The following SNX29 variants were observed in gnomAD, a reference collection of about 807,000 sequenced individuals.
The protein encoded by SNX29 is sorting nexin 29, also known as sorting nexin-29.
A neutral mutation model predicts 102.1 loss-of-function variants in SNX29; 78 were observed. The ratio of observed to expected loss-of-function variants is 0.76; its 90% CI spans 0.64 to 0.92. The LOEUF (loss-of-function observed/expected upper bound fraction) is 0.92. Ranked by LOEUF, SNX29 falls within the 40% of genes least tolerant of loss-of-function variation. SNX29 has a pLI of 0.00. For synonymous variants in SNX29, 580 were observed against 414.5 expected, an observed-to-expected ratio of 1.40 and a Z score of -4.85; for missense variants, 1,280 against 1,061.7, an observed-to-expected ratio of 1.21 and a Z score of -2.86.
chr16:12,551,629 A>G (rs757244895), intron 20 of SNX29, among the ~76,000 whole-genome samples: 14 of 152,118 alleles, frequency 9.2e-5, no homozygotes, highest in Non-Finnish European at 1.5e-4. Context: ...TGAGGCATCA[A>G]CCCAGCAAGT....
chr16:12,233,315 T>C (rs1343378385), intron 14 of SNX29, among the ~76,000 whole-genome samples: 3 of 152,208 alleles, frequency 2.0e-5, no homozygotes, highest in Non-Finnish European at 4.4e-5. Flanking sequence ...GAGGCTGTTA[T>C]CCTAAGCAAA....
intron 15 of SNX29, among the ~76,000 whole-genome samples, chr16:12,351,894 G>A (rs1020813722): frequency 5.3e-5 from 8 of 152,158 alleles, no homozygotes; most frequent in African/African-American, 1.2e-4. Context: ...AACAGTGATT[G>A]ATTAGTGCTG....
chr16:12,408,935 G>A (rs184000624), intron 18 of SNX29, among the ~76,000 whole-genome samples: 1 of 152,378 alleles, frequency 6.6e-6, no homozygotes, highest in African/African-American at 2.4e-5. Flanking sequence ...ATTTGGCACA[G>A]AGGATTCTAG....
intron 4 of SNX29, among the ~76,000 whole-genome samples, chr16:12,033,962 A>C (rs908563629): frequency 2.0e-5 from 3 of 152,096 alleles, no homozygotes; most frequent in Admixed American, 6.6e-5. Context: ...ACTGCATTCA[A>C]AATAACCACT....
rs1169601409 is a variant in SNX29 at position 12,570,305 on chromosome 16, G to A, written c.*1676G>A. On this transcript the variant is annotated 3_prime_UTR_variant, in exon 21 of 21. Transcript: ENST00000566228. ...GTCAGTTTGCGAGTGTGGAGGACCCGAGACATCCTGTAAAGGCAACTTGGT... is the reference window on the plus strand; with the variant it reads ...GTCAGTTTGCGAGTGTGGAGGACCCAAGACATCCTGTAAAGGCAACTTGGT... 9.7e-6 allele frequency: 10 copies of A among 1,032,984 alleles called. No homozygotes were observed. Among genetic ancestry groups the A allele is most frequent in the Admixed American group, 1.1e-4 (2 of 18,668 alleles). 64.0% of individuals were successfully genotyped at this position (1,032,984 alleles called of 1,614,324 possible).
intron 18 of SNX29, among the ~76,000 whole-genome samples, chr16:12,440,670 T>TTGTAAGTGAGTTC (rs2085758419): frequency 6.6e-6 from 1 of 151,552 alleles, no homozygotes; most frequent in Admixed American, 6.6e-5. Context: ...TAGCTCCCAC[T>TTGTAAGTGAGTTC]TCTAAGTGAG....
chr16:11,990,312 T>C (rs2055799881), intron 1 of SNX29, among the ~76,000 whole-genome samples: 2 of 152,154 alleles, frequency 1.3e-5, no homozygotes. Context: ...CAATTGCTGG[T>C]ATTGCTGTGA....
intron 20 of SNX29, among the ~76,000 whole-genome samples, chr16:12,547,751 G>T (rs185298068): frequency 2.6e-5 from 4 of 152,158 alleles, no homozygotes; most frequent in African/African-American, 7.2e-5. Context: ...GCCTCCTCCT[G>T]TGAAGCTGCA....
chr16:12,569,983 C>G lies in SNX29; in HGVS notation c.*1354C>G. ...GGTAAGCCATGGGCTTGTCCTGGAA[C>G]TGCTTCAACTCAGTGGCTTAAAATG... is the stretch of plus-strand genomic sequence containing the variant. On this transcript the variant is annotated 3_prime_UTR_variant, in exon 21 of 21. Transcript: ENST00000566228. 1 of 247,162 alleles carries G rather than the reference C, an allele frequency of 4.0e-6. No homozygotes were observed. The highest frequency in any genetic ancestry group is 7.6e-6 in the Non-Finnish European group (1 of 130,980). The allele number at this position is 247,162 out of a possible 1,614,324, so 15.3% of individuals were successfully genotyped here.
chr16:11,979,275 CAAAAAAAAAAAAAA>C (rs71139569), intron 1 of SNX29, among the ~76,000 whole-genome samples: 3 of 62,004 alleles, frequency 4.8e-5, no homozygotes, highest in Non-Finnish European at 8.2e-5. Flanking sequence ...ACTCAGTCTC[CAAAAAAAAAAAAAA>C]AAAAAAAAAA....
chr16:12,336,244 C>T (rs1160178602), intron 15 of SNX29, among the ~76,000 whole-genome samples: 1 of 152,184 alleles, frequency 6.6e-6, no homozygotes, highest in East Asian at 1.9e-4. Context: ...TGGTTTGGCG[C>T]TCACTGTAAC....
intron 16 of SNX29, among the ~76,000 whole-genome samples, chr16:12,365,765 G>C (rs1048189079): frequency 6.6e-5 from 10 of 151,062 alleles, no homozygotes; most frequent in African/African-American, 2.2e-4. Flanking sequence ...ACAGTGGGCC[G>C]GGCGCGGTGG....
At chr16:12,296,982 C>G (rs1207745807) in intron 15 of SNX29, among the ~76,000 whole-genome samples, 1 of 152,228 alleles carries the variant, frequency 6.6e-6, no homozygotes, top group Non-Finnish European at 1.5e-5. Context: ...CCGCTAGATG[C>G]TGGTGGCACC....
At chr16:12,422,569 GC>G (rs1567547430) in intron 18 of SNX29, among the ~76,000 whole-genome samples, 1 of 152,164 alleles carries the variant, frequency 6.6e-6, no homozygotes, top group African/African-American at 2.4e-5. Flanking sequence ...TCTTCCCTGG[GC>G]TCCTTGTCCC....
intron 19 of SNX29, among the ~76,000 whole-genome samples, chr16:12,507,682 T>G (rs1323277206): frequency 6.6e-6 from 1 of 152,220 alleles, no homozygotes; most frequent in East Asian, 1.9e-4. Flanking sequence ...TTTTCGGCCC[T>G]GATTTTTTAC....
At chr16:12,463,284 C>G (rs1454987440) in intron 18 of SNX29, among the ~76,000 whole-genome samples, 13 of 152,340 alleles carry the variant, frequency 8.5e-5, no homozygotes, top group Non-Finnish European at 1.8e-4. Flanking sequence ...TTTTCATTGC[C>G]TAATCACCTC....
rs1389975888 is a variant in SNX29, at chr16:12,568,809, T to C, written c.*180T>C. On this transcript the variant is annotated 3_prime_UTR_variant, in exon 21 of 21. Coordinates refer to ENST00000566228, the MANE Select transcript of SNX29 (RefSeq NM_032167.5). ...ACTAATCAGTCTTCGAGCCGCATGA[T>C]ACCGTGACCCGAGAGACCAAGGCAG... is the stretch of plus-strand genomic sequence containing the variant. The C allele has an allele frequency of 1.4e-5, 14 of 993,430 alleles. No individual in the cohort carries two copies. The African/African-American group carries it at 2.1e-4, about 15-fold the overall frequency. The allele number at this position is 993,430 out of a possible 1,614,324, so 61.5% of individuals were successfully genotyped here. A position where few individuals can be genotyped will look rare whatever the true frequency, so the allele number is the denominator to read the frequency against.
intron 13 of SNX29, among the ~76,000 whole-genome samples, chr16:12,170,199 C>G (rs1225380726): frequency 1.3e-5 from 2 of 152,014 alleles, no homozygotes; most frequent in East Asian, 1.9e-4. Flanking sequence ...AAGCCTGGCT[C>G]TAGATGGTGG....
intron 7 of SNX29, 26 bp from the exon 8 acceptor site, chr16:12,051,821 T>G: frequency 6.3e-7 from 1 of 1,598,996 alleles, no homozygotes; most frequent in South Asian, 1.1e-5. Context: ...TTTCTTATAC[T>G]GTATCTTTTT....
Sources: allele counts gnomAD v4.1 joint callset (sites outside exome capture counted in the v4.1 genomes callset), GRCh38; gene constraint gnomAD v4.1.1; transcripts MANE v1.5; gene names NCBI Gene and HGNC (gene_info 2026-07-23, HGNC 2026-07-21).